LRGUK: variants seen among roughly 807,000 people sequenced by gnomAD.
The protein encoded by LRGUK is leucine-rich repeat and guanylate kinase domain-containing protein.
A neutral mutation model predicts 76.0 loss-of-function variants in LRGUK; 65 were observed. The observed-to-expected ratio is 0.85, with a 90% CI of 0.70 to 1.05. The LOEUF (loss-of-function observed/expected upper bound fraction) is 1.05, where lower values mean the gene tolerates loss of function less well. Among genes scored for constraint, LRGUK ranks in the 50% least tolerant of loss-of-function variants. The pLI, the probability that LRGUK is intolerant of heterozygous loss-of-function variation, is 0.00. For missense variants in LRGUK, 758 were observed against 732.8 expected (o/e 1.03, Z -0.40); for synonymous variants, 268 against 265.6 (o/e 1.01, Z -0.09).
downstream of LRGUK, among the ~76,000 whole-genome samples, chr7:134,211,568 C>T (rs911583869): frequency 2.0e-5 from 3 of 152,294 alleles, no homozygotes; most frequent in East Asian, 5.8e-4. Context: ...TCAGATTTGT[C>T]TTGGCAATAT....
At chr7:134,186,480 T>C (rs1012584855) in intron 11 of LRGUK, among the ~76,000 whole-genome samples, 13 of 152,172 alleles carry the variant, frequency 8.5e-5, no homozygotes, top group African/African-American at 3.1e-4. Context: ...TTAATATGTG[T>C]GTGATAAATA....
chr7:134,208,996 C>T, exon 16 of LRGUK: 1 of 399,162 alleles, frequency 2.5e-6, no homozygotes, highest in East Asian at 3.6e-5. Flanking sequence ...AGGCCCAGGA[C>T]CTATCCCTAA....
At chr7:134,200,973 C>T (rs890421717) in intron 14 of LRGUK, among the ~76,000 whole-genome samples, 3 of 152,108 alleles carry the variant, frequency 2.0e-5, no homozygotes, top group Non-Finnish European at 4.4e-5. Flanking sequence ...TCCCAGTTTC[C>T]CTGTGGGCTG....
At chr7:134,260,796 G>T (rs1802703781) in intron 19 of LRGUK, among the ~76,000 whole-genome samples, 1 of 152,122 alleles carries the variant, frequency 6.6e-6, no homozygotes, top group Non-Finnish European at 1.5e-5. Flanking sequence ...TCCCAGCTAT[G>T]CCTGTTTGGG....
chr7:134,194,286 TG>T (rs1800390906), intron 12 of LRGUK, among the ~76,000 whole-genome samples: 1 of 152,154 alleles, frequency 6.6e-6, no homozygotes, highest in Non-Finnish European at 1.5e-5. Flanking sequence ...TTCTAGAAAA[TG>T]TTTTTTTTAA....
intron 6 of LRGUK, among the ~76,000 whole-genome samples, chr7:134,158,771 A>C (rs1798590706): frequency 6.6e-6 from 1 of 152,218 alleles, no homozygotes; most frequent in African/African-American, 2.4e-5. Context: ...CAATTTACAG[A>C]AATTCAGCAG....
chr7:134,195,548 C>A (rs1234887382), intron 12 of LRGUK, among the ~76,000 whole-genome samples: 1 of 152,090 alleles, frequency 6.6e-6, no homozygotes, highest in Non-Finnish European at 1.5e-5. Flanking sequence ...TCTTTTTGTT[C>A]TATTGAGGCC....
intron 15 of LRGUK, among the ~76,000 whole-genome samples, chr7:134,221,329 T>C (rs960025852): frequency 5.3e-5 from 8 of 152,210 alleles, no homozygotes; most frequent in Non-Finnish European, 1.2e-4. Flanking sequence ...AAAGGAAATA[T>C]TAGATATTAT....
intron 8 of LRGUK, among the ~76,000 whole-genome samples, chr7:134,176,011 G>A (rs547791866): frequency 1.3e-5 from 2 of 152,286 alleles, no homozygotes; most frequent in Admixed American, 1.3e-4. Flanking sequence ...ACAAGACAGG[G>A]TTTGAGTCAC....
chr7:134,180,684 T>C (rs1799702646), intron 10 of LRGUK, among the ~76,000 whole-genome samples: 1 of 152,148 alleles, frequency 6.6e-6, no homozygotes, highest in African/African-American at 2.4e-5. Flanking sequence ...ACATTAAAAA[T>C]ATTTTTTGCC....
intron 18 of LRGUK, among the ~76,000 whole-genome samples, chr7:134,253,609 G>A (rs560588801): frequency 6.6e-6 from 1 of 152,314 alleles, no homozygotes; most frequent in Non-Finnish European, 1.5e-5. Flanking sequence ...GAGGTCAGGA[G>A]TTCAAGACCA....
chr7:134,158,038 A>G (rs147547676), exon 6 of LRGUK: 2 of 1,611,348 alleles, frequency 1.2e-6, no homozygotes, highest in South Asian at 1.1e-5. Context: ...TGTATAGGCA[A>G]TGAGATAGAA....
chr7:134,148,787 G>A (rs1158547850), intron 5 of LRGUK, among the ~76,000 whole-genome samples: 1 of 152,056 alleles, frequency 6.6e-6, no homozygotes, highest in Non-Finnish European at 1.5e-5. Flanking sequence ...TTAGCCAGAT[G>A]TGATGGGATG....
chr7:134,219,988 C>T (rs73441365), intron 15 of LRGUK, among the ~76,000 whole-genome samples: 7,828 of 152,124 alleles, frequency 0.051, 429 homozygotes, highest in East Asian at 0.15. Flanking sequence ...TATTATTTAA[C>T]GTGTTATTTG....
intron 15 of LRGUK, among the ~76,000 whole-genome samples, chr7:134,208,353 A>T (rs149789972): frequency 6.6e-6 from 1 of 152,206 alleles, no homozygotes; most frequent in African/African-American, 2.4e-5. Flanking sequence ...AACAGCATTG[A>T]TCTCTAAGTT....
intron 18 of LRGUK, among the ~76,000 whole-genome samples, chr7:134,256,416 G>A (rs182805939): frequency 7.8e-5 from 11 of 141,546 alleles, no homozygotes; most frequent in Middle Eastern, 3.8e-3. Context: ...CTGAGATGGC[G>A]CCATTGCACT....
chr7:134,175,191 A>G (rs76634310), intron 8 of LRGUK, among the ~76,000 whole-genome samples: 22,472 of 152,060 alleles, frequency 0.15, 2,334 homozygotes, highest in East Asian at 0.38. Context: ...GGAGTGTTTC[A>G]AGTCCTTCTC....
intron 4 of LRGUK, among the ~76,000 whole-genome samples, chr7:134,145,145 A>G (rs907773730): frequency 6.6e-6 from 1 of 152,202 alleles, no homozygotes; most frequent in Non-Finnish European, 1.5e-5. Flanking sequence ...AGAAGTGTGT[A>G]CCAAGTGCCA....
intron 18 of LRGUK, among the ~76,000 whole-genome samples, chr7:134,252,742 T>C (rs1001284155): frequency 2.6e-5 from 4 of 152,168 alleles, no homozygotes; most frequent in African/African-American, 7.2e-5. Context: ...CTGCTTGCCA[T>C]TCAAACATAA....
Sources: gnomAD v4.1 joint callset for allele counts (sites outside exome capture counted in the v4.1 genomes callset) on GRCh38, gnomAD v4.1.1 for gene constraint, MANE v1.5 for transcripts, NCBI Gene and HGNC (gene_info 2026-07-23, HGNC 2026-07-21) for gene names.